The following DGKD variants were observed in gnomAD, a reference collection of about 807,000 sequenced individuals.
The protein encoded by DGKD is diacylglycerol kinase delta.
In DGKD, 68 loss-of-function variants were observed where a neutral mutation model predicts 154.4. The observed-to-expected ratio is 0.44, with a 90% CI of 0.36 to 0.54. The LOEUF (loss-of-function observed/expected upper bound fraction) is 0.54. DGKD is among the 20% of genes least tolerant of loss of function. The pLI is 0.00. For missense variants in DGKD, 1,343 were observed against 1,593.6 expected, an observed-to-expected ratio of 0.84 and a Z score of 2.68; for synonymous variants, 693 against 638.0, an observed-to-expected ratio of 1.09 and a Z score of -1.30.
intron 2 of DGKD, among the ~76,000 whole-genome samples, chr2:233,389,573 TA>T (rs34888206): frequency 0.38 from 54,666 of 142,942 alleles, 12,206 homozygotes; most frequent in African/African-American, 0.65. Flanking sequence ...TTCCCTCAAT[TA>T]AAAAAAAAAA....
At position 233,403,646 on chromosome 2, in the gene DGKD, C is replaced by CT. The variant is rs879441437; in HGVS notation, c.348+13175dup. On this transcript the variant is annotated intron_variant, in intron 3 of 29. Transcript: ENST00000264057. ...TTCTTTTTTCATGTTTCTCTTCAGA[C>CT]TTTTTTTTTTTTAGATGGAGTCTCG... 2.9e-3 allele frequency among the ~76,000 whole-genome samples: 425 copies of CT among 145,024 alleles called. 2 individuals carry two copies. Among genetic ancestry groups the CT allele is most frequent in the Admixed American group, 3.5e-3 (50 of 14,404 alleles).
chr2:233,464,153 G>C lies in DGKD; in HGVS notation c.3187-11G>C. The C allele has an allele frequency of 6.2e-7, 1 of 1,613,280 alleles. No individual in the cohort carries two copies. Among genetic ancestry groups the C allele is most frequent in the South Asian group, 1.1e-5 (1 of 91,080 alleles). On this transcript the variant is annotated splice_polypyrimidine_tract_variant and intron_variant, in intron 26 of 29. Coordinates refer to ENST00000264057, the MANE Select transcript of DGKD (RefSeq NM_152879.3). ...TCTCCATTTCTCTCTCCCTCCCTCC[G>C]CCTGGAGCAGCAGCTGGATCCGCCT...
intron 19 of DGKD, among the ~76,000 whole-genome samples, chr2:233,456,242 G>T (rs559772758): frequency 6.6e-6 from 1 of 152,218 alleles, no homozygotes; most frequent in Non-Finnish European, 1.5e-5. Context: ...GGCATGGGGC[G>T]GAGGAGTGTA....
intron 17 of DGKD, 64 bp from the exon 18 acceptor site, chr2:233,451,900 A>G: frequency 1.5e-6 from 2 of 1,376,584 alleles, no homozygotes; most frequent in South Asian, 2.4e-5. Context: ...CTTCAGAGAC[A>G]CGAGCTTCTC....
intron 3 of DGKD, among the ~76,000 whole-genome samples, chr2:233,416,886 A>C (rs1001612005): frequency 6.6e-6 from 1 of 152,226 alleles, no homozygotes; most frequent in African/African-American, 2.4e-5. Context: ...CAAGGTCACT[A>C]ACGCAGGATG....
intron 3 of DGKD, among the ~76,000 whole-genome samples, chr2:233,426,914 T>C (rs2062326089): frequency 6.6e-6 from 1 of 152,238 alleles, no homozygotes; most frequent in Admixed American, 6.5e-5. Context: ...CCCTGATGAC[T>C]AATCAAATTG....
In DGKD at chr2:233,438,306, T is replaced by A. The variant is rs1364488258; in HGVS notation, c.1012T>A (p.Phe338Ile). The change falls in exon 9 of 30, where the codon TTC (phenylalanine) becomes ATC (isoleucine). Residue 338 changes from phenylalanine (F) to isoleucine (I), a missense_variant. Phe to Ile is a conservative substitution (Grantham distance 21). This residue lies in a region of DGKD where 56 missense variants were observed against 111.1 expected (regional missense o/e 0.50). Transcript: ENST00000264057. The surrounding 1 kb of genome is among the most constrained non-coding windows in gnomAD (Gnocchi z 4.1). ...AAGTGGGGACAACCAGGGTGTGAAG[T>A]TCCTCAGAAGATTCAAACAGCTACT... ...SKSGDNQGVK[F>I]LRRFKQLLNP... 6.2e-7 allele frequency: 1 copy of A among 1,614,092 alleles called. No individual in the cohort carries two copies. The highest frequency in any genetic ancestry group is 2.2e-5 in the East Asian group (1 of 44,898).
At chr2:233,462,204 C>A in intron 24 of DGKD, 144 bp from the exon 25 acceptor site, 1 of 614,374 alleles carries the variant, frequency 1.6e-6, no homozygotes, top group Non-Finnish European at 2.8e-6. Context: ...GGTCGCTGGG[C>A]TGAGCCACGA....
chr2:233,383,190 G>A (rs1324847748), intron 1 of DGKD, among the ~76,000 whole-genome samples: 4 of 151,944 alleles, frequency 2.6e-5, no homozygotes, highest in East Asian at 1.9e-4. Context: ...ACAGGTATCC[G>A]CCACCATGCC....
intron 24 of DGKD, among the ~76,000 whole-genome samples, chr2:233,461,028 A>C (rs2063617167): frequency 6.6e-6 from 1 of 151,868 alleles, no homozygotes; most frequent in African/African-American, 2.4e-5. Context: ...TAAAAAAAAA[A>C]AAAAAAAAGA....
intron 3 of DGKD, among the ~76,000 whole-genome samples, chr2:233,424,768 T>C (rs2125557572): frequency 6.6e-6 from 1 of 152,332 alleles, no homozygotes; most frequent in East Asian, 1.9e-4. Flanking sequence ...GTGGAGAAGC[T>C]GAATGGAGCA....
rs1208508535 is a variant in DGKD, at chr2:233,454,717, C to G, written c.2265-46C>G. On this transcript the variant is annotated intron_variant, in intron 18 of 29. Transcript: ENST00000264057. Reference sequence around the variant, plus strand: ...GAGAGGTTGGGAGTCTGAAATAAGACTGCTCAGCAGGGCTGTTGTAATTGA... The same window carrying G: ...GAGAGGTTGGGAGTCTGAAATAAGAGTGCTCAGCAGGGCTGTTGTAATTGA... 1.8e-5 allele frequency: 21 copies of G among 1,186,652 alleles called. No homozygotes were observed. The South Asian group carries it at 2.5e-4, about 14-fold the overall frequency. The allele number at this position is 1,186,652 out of a possible 1,614,324, so 73.5% of individuals were successfully genotyped here.
intron 1 of DGKD, among the ~76,000 whole-genome samples, chr2:233,365,110 TGTAAG>T (rs1701959320): frequency 6.6e-6 from 1 of 152,132 alleles, no homozygotes; most frequent in African/African-American, 2.4e-5. Flanking sequence ...TTAACACAAT[TGTAAG>T]GGAAACAAAT....
Position 233,458,526 on chromosome 2 carries a change from T to A in DGKD, c.2694+129T>A. On this transcript the variant is annotated intron_variant, in intron 22 of 29. Coordinates refer to ENST00000264057, the MANE Select transcript of DGKD (RefSeq NM_152879.3). This position sits in a 1 kb window ranked among gnomAD's most constrained non-coding sequence, Gnocchi z 6.6. ...CATGTGGCTGCCTCATGTCCTGTCC[T>A]GGACAGCTCGTGGCCCCACTTCCTG... 3 of 587,750 alleles carry A rather than the reference T, an allele frequency of 5.1e-6. No homozygotes were observed. Among genetic ancestry groups the A allele is most frequent in the Non-Finnish European group, 8.9e-6 (3 of 338,246 alleles). 36.4% of individuals were successfully genotyped at this position (587,750 alleles called of 1,614,324 possible).
chr2:233,450,227 A>C, intron 16 of DGKD, 96 bp downstream of exon 16: 48 of 1,416,652 alleles, frequency 3.4e-5, no homozygotes, highest in Non-Finnish European at 4.3e-5. Flanking sequence ...GCACTTTCTC[A>C]TAGTTGCTTT....
At chr2:233,410,382 C>T (rs1359699527) in intron 3 of DGKD, among the ~76,000 whole-genome samples, 1 of 152,166 alleles carries the variant, frequency 6.6e-6, no homozygotes, top group Non-Finnish European at 1.5e-5. Flanking sequence ...GCTGACTTGC[C>T]AAGGCTGTTG....
chr2:233,452,940 G>A lies in DGKD; in HGVS notation c.2264+880G>A, dbSNP rs983597193. Among the ~76,000 whole-genome samples, 1 of 152,130 alleles carries A rather than the reference G, an allele frequency of 6.6e-6. No individual in the cohort carries two copies. The highest frequency in any genetic ancestry group is 1.5e-5 in the Non-Finnish European group (1 of 68,014). On this transcript the variant is annotated intron_variant, in intron 18 of 29. Coordinates refer to ENST00000264057, the MANE Select transcript of DGKD (RefSeq NM_152879.3). This position sits in a 1 kb window ranked among gnomAD's most constrained non-coding sequence, Gnocchi z 4.0. ...GTGGACCCCTAGATTCCAGGTGCTGGCCTGGTACAGCACTTCAGTGTCCCT... is the reference window on the plus strand; with the variant it reads ...GTGGACCCCTAGATTCCAGGTGCTGACCTGGTACAGCACTTCAGTGTCCCT...
intron 1 of DGKD, among the ~76,000 whole-genome samples, chr2:233,377,104 C>T (rs1323949590): frequency 8.6e-5 from 10 of 115,846 alleles, no homozygotes; most frequent in African/African-American, 1.4e-4. Context: ...TTTTTGGAGA[C>T]GGAGTTTCAC....
Position 233,469,627 on chromosome 2 carries a change from G to A in DGKD, c.*167G>A, listed in dbSNP as rs997918814. The A allele has an allele frequency of 9.1e-5, 56 of 617,484 alleles. No homozygotes were observed. In the South Asian group the frequency reaches 9.2e-4, roughly 10 times the overall value. The allele number at this position is 617,484 out of a possible 1,614,324, so 38.3% of individuals were successfully genotyped here. On this transcript the variant is annotated 3_prime_UTR_variant, in exon 30 of 30. Coordinates refer to ENST00000264057, the MANE Select transcript of DGKD (RefSeq NM_152879.3). ...CCTCTGTCAGCTACAGAAAGCCTCC[G>A]TGACACCGTCCACCAGAGCTCTGGG...
Sources: gnomAD v4.1 joint callset for allele counts (sites outside exome capture counted in the v4.1 genomes callset) on GRCh38, gnomAD v4.1.1 for gene constraint, gnomAD v4.1.1 regional missense constraint, Gnocchi (gnomAD v3.1) non-coding constraint, MANE v1.5 for transcripts, NCBI Gene and HGNC (gene_info 2026-07-23, HGNC 2026-07-21) for gene names.